The following RP1 variants were observed in gnomAD, a reference collection of about 807,000 sequenced individuals.
RP1 encodes the protein oxygen-regulated protein 1.
Under a neutral mutation model 14.8 loss-of-function variants are expected in RP1, and 16 were observed. The ratio of observed to expected loss-of-function variants is 1.08; its 90% confidence interval spans 0.73 to 1.65. The LOEUF (loss-of-function observed/expected upper bound fraction) is 1.65, where lower values mean the gene tolerates loss of function less well. RP1 is among the 40% of genes most tolerant of loss of function. The probability of loss-of-function intolerance (pLI) is 0.00; values close to 1 mark genes in which losing one functional copy is unlikely to be tolerated. For missense variants in RP1, 2,631 were observed against 2,535.0 expected (o/e 1.04, Z -0.81); for synonymous variants, 876 against 883.6 (o/e 0.99, Z 0.15).
chr8:54,819,595 C>G (rs1328758463), intron 24 of RP1, among the ~76,000 whole-genome samples: 1 of 152,034 alleles, frequency 6.6e-6, no homozygotes, highest in Non-Finnish European at 1.5e-5. Flanking sequence ...CTTCTCTGTA[C>G]CTATTTTTTA....
exon 29 of RP1, chr8:54,870,053 G>A (rs766631814): frequency 3.3e-5 from 15 of 458,802 alleles, no homozygotes; most frequent in Non-Finnish European, 4.9e-5. Context: ...GGGAGGGTCA[G>A]TTTGTGTTGG....
At chr8:54,858,199 G>T (rs926659080) in intron 27 of RP1, among the ~76,000 whole-genome samples, 1 of 152,150 alleles carries the variant, frequency 6.6e-6, no homozygotes, top group Non-Finnish European at 1.5e-5. Flanking sequence ...AAACCAAATG[G>T]AGCAGAAGCA....
chr8:54,850,247 G>A (rs1251595041), intron 25 of RP1, among the ~76,000 whole-genome samples: 1 of 152,110 alleles, frequency 6.6e-6, no homozygotes, highest in Non-Finnish European at 1.5e-5. Flanking sequence ...CTGAATGACA[G>A]GTATTAGTAA....
rs543393531 is a variant in RP1, at chr8:54,576,858, G to A, written c.-13+17538G>A. Among the ~76,000 whole-genome samples, 21 of 152,206 alleles carry A rather than the reference G, an allele frequency of 1.4e-4. No homozygotes were observed. In the South Asian group the frequency reaches 3.5e-3, roughly 26 times the overall value. On this transcript the variant is annotated intron_variant, in intron 1 of 22. Transcript: ENST00000636932. ...TTGGTTGGCAATTCTAGGTGTGGAC[G>A]GTGCTTTCTGTTGCCCCAGGTTAAA...
intron 19 of RP1, among the ~76,000 whole-genome samples, chr8:54,748,790 T>C: frequency 6.6e-6 from 1 of 152,256 alleles, no homozygotes; most frequent in East Asian, 1.9e-4. Flanking sequence ...TATTTGCCTT[T>C]ATTTTTTCAG....
intron 16 of RP1, among the ~76,000 whole-genome samples, chr8:54,726,077 T>A (rs1360908261): frequency 6.6e-6 from 1 of 152,164 alleles, no homozygotes; most frequent in Non-Finnish European, 1.5e-5. Flanking sequence ...TTGAATAAGT[T>A]GTTTGATTCA....
rs1487153202 is a variant in RP1, at chr8:54,620,206, C to T, written c.-12-749C>T. 3.3e-5 allele frequency among the ~76,000 whole-genome samples: 5 copies of T among 152,202 alleles called. No homozygotes were observed. The South Asian group carries it at 8.3e-4, about 25-fold the overall frequency. On this transcript the variant is annotated intron_variant, in intron 1 of 3. Transcript: ENST00000220676. ...TTTTCCCCAATTCATATAACTCAGT[C>T]ATGTGCCACATAACACTACTTTGGT...
chr8:54,867,078 A>G (rs967488868), intron 28 of RP1, among the ~76,000 whole-genome samples: 13 of 152,208 alleles, frequency 8.5e-5, no homozygotes, highest in Admixed American at 7.2e-4. Flanking sequence ...GTAACGCTAC[A>G]TGAAGCTGGA....
chr8:54,641,722 T>A (rs1806458034), intron 3 of RP1, among the ~76,000 whole-genome samples: 2 of 152,206 alleles, frequency 1.3e-5, no homozygotes, highest in Non-Finnish European at 2.9e-5. Flanking sequence ...GTAACAATTA[T>A]AATGAAAATA....
chr8:54,648,929 G>A, intron 3 of RP1: 1 of 1,317,982 alleles, frequency 7.6e-7, no homozygotes, highest in Non-Finnish European at 1.0e-6. Flanking sequence ...CTGCTGTTCT[G>A]AGTCTTCCAT....
chr8:54,648,967 T>C lies in RP1; in HGVS notation c.788-18T>C, dbSNP rs2129325098. ...CTATCAGTTGCCATAATGCTGTATG[T>C]TATTTTTTCTTTTATAGGTAGTAAC... On this transcript the variant is annotated intron_variant, in intron 3 of 22. Coordinates refer to the RP1 transcript ENST00000636932. The C allele has an allele frequency of 2.7e-6, 4 of 1,483,798 alleles. No homozygotes were observed. In the East Asian group the frequency reaches 7.4e-5, roughly 27 times the overall value. 91.9% of individuals were successfully genotyped at this position (1,483,798 alleles called of 1,614,324 possible). A position where few individuals can be genotyped will look rare whatever the true frequency, so the allele number is the denominator to read the frequency against.
chr8:54,593,824 C>G (rs1315571793), intron 1 of RP1, among the ~76,000 whole-genome samples: 4 of 152,224 alleles, frequency 2.6e-5, no homozygotes, highest in Admixed American at 2.6e-4. Flanking sequence ...CTGGCTCAGT[C>G]TAATCCGTGG....
At chr8:54,802,464 A>C (rs1219760278) in intron 24 of RP1, among the ~76,000 whole-genome samples, 7 of 152,226 alleles carry the variant, frequency 4.6e-5, no homozygotes, top group African/African-American at 2.4e-5. Context: ...ATACCTTCAA[A>C]TTTCAATTTG....
In RP1 at chr8:54,628,037, T is replaced by C. The variant is rs1489665990; in HGVS notation, c.4155T>C (p.Asn1385=). The change falls in exon 4 of 4, where the codon AAT becomes AAC. Residue 1385 remains asparagine, a synonymous_variant. Transcript: ENST00000220676. ...LTDPEYKNGF[N]TLVSHQNVSN... Reference sequence around the variant, plus strand: ...ACCCTGAATATAAAAATGGATTTAATACATTGGTGTCACATCAAAATGTCA... The same window carrying C: ...ACCCTGAATATAAAAATGGATTTAACACATTGGTGTCACATCAAAATGTCA... The C allele has an allele frequency of 3.1e-6, 5 of 1,614,034 alleles. No individual in the cohort carries two copies. Among genetic ancestry groups the C allele is most frequent in the Non-Finnish European group, 2.5e-6 (3 of 1,179,936 alleles).
At chr8:54,810,566 A>G (rs1488564068) in intron 24 of RP1, among the ~76,000 whole-genome samples, 1 of 152,208 alleles carries the variant, frequency 6.6e-6, no homozygotes, top group African/African-American at 2.4e-5. Flanking sequence ...AGCTGGAAAT[A>G]AATTGACTGT....
intron 16 of RP1, among the ~76,000 whole-genome samples, chr8:54,722,787 T>A (rs1808567433): frequency 1.3e-5 from 2 of 152,024 alleles, no homozygotes; most frequent in Admixed American, 6.6e-5. Flanking sequence ...GAGATTGTGG[T>A]AGGAAGAGAA....
intron 12 of RP1, chr8:54,696,872 A>G (rs1807878532): frequency 1.3e-6 from 1 of 769,994 alleles, no homozygotes; most frequent in East Asian, 2.4e-5. Context: ...TGGACAAGCC[A>G]AGGTCAAGAA....
chr8:54,767,014 T>C (rs1809776722), intron 22 of RP1, among the ~76,000 whole-genome samples: 1 of 152,202 alleles, frequency 6.6e-6, no homozygotes, highest in South Asian at 2.1e-4. Flanking sequence ...TGTGAAAACT[T>C]GCTTCACTAT....
intron 27 of RP1, among the ~76,000 whole-genome samples, chr8:54,862,532 G>C (rs369285713): frequency 1.8e-4 from 28 of 152,252 alleles, no homozygotes; most frequent in African/African-American, 5.8e-4. Context: ...AATAAAAAGT[G>C]ATTTACAAAA....
Sources: gnomAD v4.1 joint callset for allele counts (sites outside exome capture counted in the v4.1 genomes callset) on GRCh38, gnomAD v4.1.1 for gene constraint, MANE v1.5 for transcripts, NCBI Gene and HGNC (gene_info 2026-07-23, HGNC 2026-07-21) for gene names.